The following CLEC17A variants were observed in gnomAD, a reference collection of about 807,000 sequenced individuals.
CLEC17A encodes C-type lectin domain family 17, member A.
A neutral mutation model predicts 61.3 loss-of-function variants in CLEC17A; 37 were observed. The ratio of observed to expected loss-of-function variants is 0.60; its 90% confidence interval spans 0.46 to 0.79. CLEC17A has a LOEUF of 0.79. CLEC17A is among the 30% of genes least tolerant of loss of function. CLEC17A has a pLI of 0.00. For missense variants in CLEC17A, 418 were observed against 464.7 expected (o/e 0.90, Z 0.92); for synonymous variants, 168 against 164.9 (o/e 1.02, Z -0.14).
chr19:14,581,543 G>A (rs1224041947), upstream of CLEC17A, among the ~76,000 whole-genome samples: 3 of 152,068 alleles, frequency 2.0e-5, no homozygotes, highest in African/African-American at 7.2e-5. Flanking sequence ...TGTTGGCCAG[G>A]CTGGTCTCGA....
chr19:14,581,887 C>G (rs7256414), upstream of CLEC17A, among the ~76,000 whole-genome samples: 36,418 of 151,796 alleles, frequency 0.24, 8,287 homozygotes, highest in African/African-American at 0.6. Flanking sequence ...CCTGACCTCA[C>G]GTGATCCACC....
At chr19:14,609,786 C>T (rs1027824527) in intron 13 of CLEC17A, among the ~76,000 whole-genome samples, 2 of 151,642 alleles carry the variant, frequency 1.3e-5, no homozygotes, top group East Asian at 1.9e-4. Flanking sequence ...TGCAGTGAGC[C>T]GAGATCACGC....
chr19:14,582,614 T>A (rs542514648), upstream of CLEC17A, among the ~76,000 whole-genome samples: 391 of 151,838 alleles, frequency 2.6e-3, 1 homozygote, highest in Middle Eastern at 6.8e-3. Flanking sequence ...AAAATTAATT[T>A]ATTTATTTAT....
In CLEC17A at chr19:14,599,734, C is replaced by T. The variant is rs754856408; in HGVS notation, c.664C>T (p.Leu222=). The change falls in exon 11 of 14, where the codon CTA becomes TTA. Residue 222 remains leucine (L), a synonymous_variant. Transcript: ENST00000417570. The part of the protein sequence containing the change: ...WRTNMTGMAG[L]AGLKHDIARV... ...TCTGACAGTGACTGGCATGGCAGGG[C>T]TAGCTGGCCTGAAGCATGACATTGC... 3.1e-6 allele frequency: 5 copies of T among 1,612,812 alleles called. No individual in the cohort carries two copies. Among genetic ancestry groups the T allele is most frequent in the Non-Finnish European group, 4.2e-6 (5 of 1,179,636 alleles).
At chr19:14,581,093 C>G (rs1599520708), upstream of CLEC17A, among the ~76,000 whole-genome samples, 1 of 152,180 alleles carries the variant, frequency 6.6e-6, no homozygotes, top group South Asian at 2.1e-4. Flanking sequence ...GTTTGAGACA[C>G]TCTTGTTCTG....
chr19:14,597,853 C>T (rs7343098), intron 10 of CLEC17A, among the ~76,000 whole-genome samples: 28 of 152,186 alleles, frequency 1.8e-4, no homozygotes, highest in Middle Eastern at 3.4e-3. Flanking sequence ...TTCCTCCTGC[C>T]GCAGCCTCCT....
intron 4 of CLEC17A, among the ~76,000 whole-genome samples, chr19:14,592,599 G>A (rs1392983572): frequency 6.6e-6 from 1 of 152,140 alleles, no homozygotes; most frequent in African/African-American, 2.4e-5. Context: ...AATCCTTGGG[G>A]GACTGAGAGC....
chr19:14,598,924 C>T lies in CLEC17A; in HGVS notation c.647-793C>T, dbSNP rs2074627994. Among the ~76,000 whole-genome samples the T allele has an allele frequency of 2.0e-5, 3 of 152,090 alleles. No individual in the cohort carries two copies. The South Asian group carries it at 6.2e-4, about 32-fold the overall frequency. ...GCAGTGAACCACGATTGCACTCCAG[C>T]CTGTGGGACAGAGCAGGACTGTGTC... is the stretch of plus-strand genomic sequence containing the variant. On this transcript the variant is annotated intron_variant, in intron 10 of 13. Coordinates refer to ENST00000417570, the MANE Select transcript of CLEC17A (RefSeq NM_001204118.2).
At chr19:14,582,380 T>A (rs1053103984), upstream of CLEC17A, among the ~76,000 whole-genome samples, 1 of 151,510 alleles carries the variant, frequency 6.6e-6, no homozygotes, top group African/African-American at 2.4e-5. Flanking sequence ...ACCCAGCTAA[T>A]TTTTTGTATT....
intron 3 of CLEC17A, chr19:14,588,778 A>G (rs1420610728): frequency 6.6e-6 from 1 of 152,064 alleles, no homozygotes; most frequent in Admixed American, 6.5e-5. Flanking sequence ...AGATATGCTG[A>G]TGGCCTGGTC....
At chr19:14,603,859 T>C (rs796739007) in intron 12 of CLEC17A, among the ~76,000 whole-genome samples, 6 of 152,328 alleles carry the variant, frequency 3.9e-5, no homozygotes, top group African/African-American at 1.4e-4. Context: ...GATCCAGTGA[T>C]GACCAAGACA....
rs1450665622 is a variant in CLEC17A, at chr19:14,594,692, G to C, written c.361+10G>C. 1 of 1,613,962 alleles carries C rather than the reference G, an allele frequency of 6.2e-7. No individual in the cohort carries two copies. Among genetic ancestry groups the C allele is most frequent in the Non-Finnish European group, 8.5e-7 (1 of 1,179,882 alleles). On this transcript the variant is annotated intron_variant, in intron 6 of 13. Coordinates refer to ENST00000417570, the MANE Select transcript of CLEC17A (RefSeq NM_001204118.2). ...CCCCGGAACATGACAGGTGAGAGCT[G>C]ACAGTTGGAGTCTTCCTGCTCACCT...
Position 14,611,557 on chromosome 19 carries a change from C to G in CLEC17A, c.*1361C>G, listed in dbSNP as rs1456881621. Reference sequence around the variant, plus strand: ...CACACCTGGCTGGCCCATGGAACTTCTAGAAAGGCATACCAGCTGAAAAGC... The same window carrying G: ...CACACCTGGCTGGCCCATGGAACTTGTAGAAAGGCATACCAGCTGAAAAGC... On this transcript the variant is annotated 3_prime_UTR_variant, in exon 14 of 14. Transcript: ENST00000417570. Among the ~76,000 whole-genome samples the G allele has an allele frequency of 6.6e-6, 1 of 151,684 alleles. No homozygotes were observed.
At chr19:14,592,570 A>G (rs574406897) in intron 4 of CLEC17A, among the ~76,000 whole-genome samples, 12 of 152,312 alleles carry the variant, frequency 7.9e-5, no homozygotes, top group African/African-American at 2.9e-4. Flanking sequence ...TGAGAGAGGA[A>G]GGGTCAGGAG....
chr19:14,599,391 A>G (rs1317738456), intron 10 of CLEC17A, among the ~76,000 whole-genome samples: 1 of 151,982 alleles, frequency 6.6e-6, no homozygotes, highest in African/African-American at 2.4e-5. Flanking sequence ...GGCAGCCTGC[A>G]TCTTTGCTTT....
Position 14,610,508 on chromosome 19 carries a change from C to A in CLEC17A, c.*312C>A. 3.4e-6 allele frequency: 1 copy of A among 297,970 alleles called. No individual in the cohort carries two copies. The highest frequency in any genetic ancestry group is 6.5e-6 in the Non-Finnish European group (1 of 154,830). The allele number at this position is 297,970 out of a possible 1,614,324, so 18.5% of individuals were successfully genotyped here. ...ATGACTCTTGGGAAGTGATACTAGCCCTGAGGACCCTGGGGCTGGTGTTGA... is the reference window on the plus strand; with the variant it reads ...ATGACTCTTGGGAAGTGATACTAGCACTGAGGACCCTGGGGCTGGTGTTGA... On this transcript the variant is annotated 3_prime_UTR_variant, in exon 14 of 14. Coordinates refer to ENST00000417570, the MANE Select transcript of CLEC17A (RefSeq NM_001204118.2).
chr19:14,594,561 CT>C lies in CLEC17A; in HGVS notation c.310+13del. 4 of 1,611,568 alleles carry C rather than the reference CT, an allele frequency of 2.5e-6. No homozygotes were observed. Among genetic ancestry groups the C allele is most frequent in the Non-Finnish European group, 3.4e-6 (4 of 1,178,940 alleles). On this transcript the variant is annotated intron_variant, in intron 5 of 13. Coordinates refer to ENST00000417570, the MANE Select transcript of CLEC17A (RefSeq NM_001204118.2). The stretch of plus-strand genomic sequence containing the variant: ...ACCTCCAAGGGCAGGTGAGTTGGGG[CT>C]GGGGGTGTAGGAGACCCAGAGCTGG...
In CLEC17A at chr19:14,599,793, G is replaced by A. The variant is rs575649619; in HGVS notation, c.723G>A (p.Val241=). 17 of 1,613,634 alleles carry A rather than the reference G, an allele frequency of 1.1e-5. No homozygotes were observed. Among genetic ancestry groups the A allele is most frequent in the Middle Eastern group, 3.3e-4 (2 of 6,052 alleles). Residue 241 remains valine, a synonymous_variant, in exon 11 of 14, where the codon GTG becomes GTA. Transcript: ENST00000417570. Reference sequence around the variant, plus strand: ...GAGCTGACACCAACCAGTCCCTGGTGGAACTTTGGGGCTTATTAGGTAAGT... The same window carrying A: ...GAGCTGACACCAACCAGTCCCTGGTAGAACTTTGGGGCTTATTAGGTAAGT... ...RVRADTNQSL[V]ELWGLLDCRR...
chr19:14,592,069 G>T lies in CLEC17A; in HGVS notation c.200-212G>T, dbSNP rs116815122. Among the ~76,000 whole-genome samples the T allele has an allele frequency of 3.3e-3, 497 of 152,300 alleles. 3 individuals carry two copies. Among genetic ancestry groups the T allele is most frequent in the African/African-American group, 0.012 (480 of 41,564 alleles). ...CCTGGCTACCACTTGTCATGTTCCTGGTGTTAGCTGTAGCCATGCACAACA... is the reference window on the plus strand; with the variant it reads ...CCTGGCTACCACTTGTCATGTTCCTTGTGTTAGCTGTAGCCATGCACAACA... On this transcript the variant is annotated intron_variant, in intron 3 of 13. Coordinates refer to ENST00000417570, the MANE Select transcript of CLEC17A (RefSeq NM_001204118.2).
Sources: allele counts gnomAD v4.1 joint callset (sites outside exome capture counted in the v4.1 genomes callset), GRCh38; gene constraint gnomAD v4.1.1; transcripts MANE v1.5; gene names NCBI Gene and HGNC (gene_info 2026-07-23, HGNC 2026-07-21).